Variants in IL26 observed in about 807,000 individuals in gnomAD.
The protein encoded by IL26 is interleukin-26.
In IL26, 23 loss-of-function variants were observed where a neutral mutation model predicts 21.7. That is an observed-to-expected ratio of 1.06 (90% CI 0.76 to 1.50). IL26 has a LOEUF of 1.50. Among genes scored for constraint, IL26 ranks in the 40% most tolerant of loss-of-function variants. The pLI, the probability that IL26 is intolerant of heterozygous loss-of-function variation, is 0.00. For synonymous variants in IL26, 63 were observed against 67.8 expected, an observed-to-expected ratio of 0.93 and a Z score of 0.34; for missense variants, 204 against 196.0, an observed-to-expected ratio of 1.04 and a Z score of -0.24.
intron 3 of IL26, among the ~76,000 whole-genome samples, chr12:68,219,754 T>C (rs1309590410): frequency 6.6e-6 from 1 of 151,410 alleles, no homozygotes; most frequent in Non-Finnish European, 1.5e-5. Context: ...AGAAAAGTAA[T>C]AAAGAAAAAT....
At chr12:68,205,711 TCTGA>T (rs11570957) in intron 3 of IL26, among the ~76,000 whole-genome samples, 43,820 of 151,860 alleles carry the variant, frequency 0.29, 7,077 homozygotes, top group Non-Finnish European at 0.38. Context: ...GTAATTTCTG[TCTGA>T]CTTTTTTAAT....
chr12:68,202,288 T>C (rs942167101), intron 3 of IL26, among the ~76,000 whole-genome samples: 7 of 152,134 alleles, frequency 4.6e-5, no homozygotes, highest in African/African-American at 1.7e-4. Flanking sequence ...AAAACAAAAA[T>C]TTACAAATTA....
At chr12:68,209,461 A>G (rs1432482648) in intron 3 of IL26, among the ~76,000 whole-genome samples, 2 of 152,200 alleles carry the variant, frequency 1.3e-5, no homozygotes, top group Non-Finnish European at 2.9e-5. Flanking sequence ...TCAAGATACA[A>G]TCGATCCTGG....
Position 68,204,430 on chromosome 12 carries a change from G to A in IL26, c.364-2347C>T, listed in dbSNP as rs1003116136. ...AGTGCTGGGATTACAGGCATGAGCC[G>A]CCGCGCCTGGCCAGGATTTAAAGAT... On this transcript the variant is annotated intron_variant, in intron 3 of 4. Transcript: ENST00000229134. Among the ~76,000 whole-genome samples the A allele has an allele frequency of 2.6e-5, 4 of 151,994 alleles. 1 individual carries two copies. The highest frequency in any genetic ancestry group is 3.9e-4 in the East Asian group (2 of 5,190).
At chr12:68,220,338 A>T (rs1291999460) in intron 3 of IL26, among the ~76,000 whole-genome samples, 3 of 152,212 alleles carry the variant, frequency 2.0e-5, no homozygotes, top group Non-Finnish European at 4.4e-5. Flanking sequence ...GTATGAAAGA[A>T]ATAATATATT....
At chr12:68,221,876 T>C (rs187750359) in intron 3 of IL26, among the ~76,000 whole-genome samples, 4 of 152,306 alleles carry the variant, frequency 2.6e-5, no homozygotes, top group Admixed American at 2.6e-4. Context: ...AATACTCCTA[T>C]TAAACCTACC....
intron 3 of IL26, 38 bp from the exon 4 acceptor site, chr12:68,202,121 A>G: frequency 1.5e-6 from 2 of 1,298,982 alleles, no homozygotes; most frequent in South Asian, 2.7e-5. Context: ...ATATTGTTGA[A>G]GAGGCATTAA....
At chr12:68,210,108 C>T (rs531460394) in intron 3 of IL26, among the ~76,000 whole-genome samples, 64 of 151,790 alleles carry the variant, frequency 4.2e-4, no homozygotes, top group African/African-American at 1.5e-3. Flanking sequence ...CTCCAAAATA[C>T]AGATGATAGA....
intron 3 of IL26, among the ~76,000 whole-genome samples, chr12:68,206,439 A>G (rs1868545219): frequency 6.6e-6 from 1 of 152,134 alleles, no homozygotes; most frequent in Non-Finnish European, 1.5e-5. Context: ...GCATTGCCCA[A>G]TATCAAAAAA....
intron 3 of IL26, among the ~76,000 whole-genome samples, chr12:68,220,310 CAA>C (rs1460550083): frequency 7.2e-5 from 11 of 151,978 alleles, no homozygotes; most frequent in Admixed American, 2.0e-4. Flanking sequence ...AAAATTTTAG[CAA>C]ATTAAATCTA....
intron 3 of IL26, among the ~76,000 whole-genome samples, chr12:68,202,538 T>G (rs1334544462): frequency 1.3e-5 from 2 of 152,008 alleles, no homozygotes; most frequent in Non-Finnish European, 2.9e-5. Flanking sequence ...CGGCAGAAGG[T>G]GAAGGGAAAC....
At chr12:68,215,146 A>G (rs890982781) in intron 3 of IL26, among the ~76,000 whole-genome samples, 6 of 152,260 alleles carry the variant, frequency 3.9e-5, no homozygotes, top group South Asian at 2.1e-4. Context: ...ACTTTTAAAA[A>G]CTATACTTTA....
At chr12:68,207,556 C>T (rs574925082) in intron 3 of IL26, among the ~76,000 whole-genome samples, 7 of 152,132 alleles carry the variant, frequency 4.6e-5, no homozygotes, top group Admixed American at 6.5e-5. Flanking sequence ...AGTAGTACAG[C>T]ATTACCACAA....
intron 3 of IL26, among the ~76,000 whole-genome samples, chr12:68,213,422 A>G (rs1487824195): frequency 6.6e-6 from 1 of 152,022 alleles, no homozygotes; most frequent in Non-Finnish European, 1.5e-5. Context: ...TCTTCTCTTT[A>G]ATTTTTTAAG....
intron 3 of IL26, among the ~76,000 whole-genome samples, chr12:68,203,391 A>C (rs1868441831): frequency 6.6e-6 from 1 of 152,252 alleles, no homozygotes. Flanking sequence ...GAATAGACCA[A>C]GGAGATTGAA....
chr12:68,225,564 T>G lies in IL26; in HGVS notation c.171+22A>C, dbSNP rs779584578. The G allele has an allele frequency of 9.3e-6, 15 of 1,613,224 alleles. No individual in the cohort carries two copies. In the South Asian group the frequency reaches 1.5e-4, roughly 17 times the overall value. On this transcript the variant is annotated intron_variant, in intron 1 of 4. Transcript: ENST00000229134. ...TGTAAATGTCCTTGAGGTCATGATT[T>G]TAAGCAGAGCCTAATACTTACTGGA... is the stretch of plus-strand genomic sequence containing the variant.
At chr12:68,205,331 AC>A (rs11571051) in intron 3 of IL26, among the ~76,000 whole-genome samples, 53 of 130,108 alleles carry the variant, frequency 4.1e-4, no homozygotes, top group African/African-American at 1.2e-3. Flanking sequence ...AAAACATTAG[AC>A]CCCCCCCAAA....
intron 3 of IL26, among the ~76,000 whole-genome samples, chr12:68,204,102 G>T (rs1384027942): frequency 6.8e-6 from 1 of 148,094 alleles, no homozygotes; most frequent in Non-Finnish European, 1.5e-5. Flanking sequence ...TTTAAAAGTA[G>T]TTCCTCATGT....
intron 3 of IL26, among the ~76,000 whole-genome samples, chr12:68,223,227 G>A (rs914957534): frequency 6.6e-6 from 1 of 152,126 alleles, no homozygotes; most frequent in African/African-American, 2.4e-5. Flanking sequence ...ACACTGATAG[G>A]CTTGAGGTGG....
Sources: gnomAD v4.1 joint callset for allele counts (sites outside exome capture counted in the v4.1 genomes callset) on GRCh38, gnomAD v4.1.1 for gene constraint, MANE v1.5 for transcripts, NCBI Gene and HGNC (gene_info 2026-07-23, HGNC 2026-07-21) for gene names.